Variants in COLGALT2 observed in about 807,000 individuals in gnomAD.
The protein encoded by COLGALT2 is procollagen galactosyltransferase 2.
In COLGALT2, 49 loss-of-function variants were observed where a neutral mutation model predicts 73.4. The observed-to-expected ratio is 0.67, with a 90% CI of 0.53 to 0.85. The LOEUF (loss-of-function observed/expected upper bound fraction) is 0.85. Among genes scored for constraint, COLGALT2 ranks in the 40% least tolerant of loss-of-function variants. The pLI, the probability that COLGALT2 is intolerant of heterozygous loss-of-function variation, is 0.00. For missense variants in COLGALT2, 722 were observed against 790.2 expected (o/e 0.91, Z 1.03); for synonymous variants, 295 against 307.6 (o/e 0.96, Z 0.43).
chr1:183,977,513 C>T (rs1034987883), intron 2 of COLGALT2, among the ~76,000 whole-genome samples: 5 of 150,800 alleles, frequency 3.3e-5, no homozygotes, highest in Non-Finnish European at 4.4e-5. Context: ...TAACCAGGCA[C>T]AAAGGCTCAC....
intron 1 of COLGALT2, among the ~76,000 whole-genome samples, chr1:184,021,304 T>C (rs184941595): frequency 4.7e-4 from 71 of 152,306 alleles, no homozygotes; most frequent in Non-Finnish European, 7.8e-4. Flanking sequence ...TAGTGACTTA[T>C]ATGGTTTGAA....
intron 1 of COLGALT2, among the ~76,000 whole-genome samples, chr1:184,018,530 C>T (rs1649076773): frequency 6.6e-6 from 1 of 152,052 alleles, no homozygotes; most frequent in South Asian, 2.1e-4. Flanking sequence ...GCAAAGTAAA[C>T]AAAATGGAAA....
At chr1:183,931,860 TA>T (rs35058267), downstream of COLGALT2, among the ~76,000 whole-genome samples, 39,871 of 119,942 alleles carry the variant, frequency 0.33, 5,519 homozygotes, top group East Asian at 0.49. Flanking sequence ...GTTCCTGCCA[TA>T]AAAAAAAAAA....
chr1:183,946,909 T>C lies in COLGALT2; in HGVS notation c.1137-1345A>G, dbSNP rs889659287. 8.5e-5 allele frequency among the ~76,000 whole-genome samples: 13 copies of C among 152,152 alleles called. 2 individuals carry two copies. Among genetic ancestry groups the C allele is most frequent in the Admixed American group, 7.2e-4 (11 of 15,278 alleles). On this transcript the variant is annotated intron_variant, in intron 8 of 11. Coordinates refer to ENST00000361927, the MANE Select transcript of COLGALT2 (RefSeq NM_015101.4). ...AGCCGGCCATGGTGGTGGGTGCCTG[T>C]AGTCCCAGCTACTTGGGAGGCTGAG...
chr1:183,964,377 C>T (rs1024244969), intron 5 of COLGALT2: 2 of 315,324 alleles, frequency 6.3e-6, no homozygotes, highest in Non-Finnish European at 1.1e-5. Context: ...AATCCACCTA[C>T]AGGAAATAAC....
intron 4 of COLGALT2, among the ~76,000 whole-genome samples, chr1:183,970,505 T>C (rs1424768041): frequency 6.6e-6 from 1 of 152,212 alleles, no homozygotes; most frequent in Non-Finnish European, 1.5e-5. Flanking sequence ...CAGCCTCACC[T>C]ACTTCTCTGA....
chr1:184,006,339 C>T (rs1474371671), intron 1 of COLGALT2, among the ~76,000 whole-genome samples: 1 of 152,102 alleles, frequency 6.6e-6, no homozygotes, highest in African/African-American at 2.4e-5. Flanking sequence ...AATCCCAGCT[C>T]TTTGGGAGGC....
chr1:184,037,698 G>A lies in COLGALT2; in HGVS notation c.-341C>T. The A allele has an allele frequency of 4.0e-6, 4 of 1,002,684 alleles. No individual in the cohort carries two copies. Among genetic ancestry groups the A allele is most frequent in the South Asian group, 9.4e-5 (2 of 21,348 alleles). 62.1% of individuals were successfully genotyped at this position (1,002,684 alleles called of 1,614,324 possible). On this transcript the variant is annotated 5_prime_UTR_variant, in exon 1 of 12. Transcript: ENST00000361927. ...TCCAGGTTCCGCTCGTACAGCTGAG[G>A]TCTGTGGCCTTCCCTAGAGCCGCGA...
At chr1:183,956,922 C>T (rs566702643) in intron 6 of COLGALT2, among the ~76,000 whole-genome samples, 2 of 152,216 alleles carry the variant, frequency 1.3e-5, no homozygotes, top group East Asian at 1.9e-4. Context: ...TTGCTGACAA[C>T]AGACTTGAAG....
At chr1:184,007,395 A>G (rs1445005431) in intron 1 of COLGALT2, among the ~76,000 whole-genome samples, 1 of 152,226 alleles carries the variant, frequency 6.6e-6, no homozygotes, top group Non-Finnish European at 1.5e-5. Flanking sequence ...AAAAATTCTA[A>G]GTGATAAGAA....
Position 183,937,560 on chromosome 1 carries a change from G to A in COLGALT2, c.*1201C>T, listed in dbSNP as rs1441498107. 1.0e-6 allele frequency: 1 copy of A among 985,206 alleles called. No individual in the cohort carries two copies. Among genetic ancestry groups the A allele is most frequent in the Non-Finnish European group, 1.2e-6 (1 of 829,932 alleles). The allele number at this position is 985,206 out of a possible 1,614,324, so 61.0% of individuals were successfully genotyped here. ...TTGTTTCTGACCAGGTTTCTCACCT[G>A]AGATAGAGAATCATTTGTTTCCAAA... On this transcript the variant is annotated 3_prime_UTR_variant, in exon 12 of 12. Coordinates refer to ENST00000361927, the MANE Select transcript of COLGALT2 (RefSeq NM_015101.4).
At chr1:183,939,653 A>G (rs1292960589) in intron 11 of COLGALT2, among the ~76,000 whole-genome samples, 4 of 152,224 alleles carry the variant, frequency 2.6e-5, no homozygotes, top group African/African-American at 9.6e-5. Flanking sequence ...TCAGTCTCTG[A>G]CATGTTATAT....
intron 1 of COLGALT2, among the ~76,000 whole-genome samples, chr1:183,997,900 T>G (rs1291760959): frequency 6.6e-6 from 1 of 152,254 alleles, no homozygotes; most frequent in East Asian, 1.9e-4. Flanking sequence ...TATAATTTAG[T>G]GATCTATTTG....
At chr1:184,020,698 G>A (rs1160080526) in intron 1 of COLGALT2, among the ~76,000 whole-genome samples, 2 of 152,154 alleles carry the variant, frequency 1.3e-5, no homozygotes, top group East Asian at 3.9e-4. Context: ...CATCTTTTTT[G>A]TTCATTTATT....
intron 1 of COLGALT2, among the ~76,000 whole-genome samples, chr1:184,002,898 G>T (rs1256589361): frequency 1.3e-5 from 2 of 151,904 alleles, no homozygotes; most frequent in Non-Finnish European, 2.9e-5. Flanking sequence ...TACTGGAATA[G>T]CATTAAAATA....
At chr1:184,036,980 C>T in intron 1 of COLGALT2, 115 bp downstream of exon 1, 2 of 917,312 alleles carry the variant, frequency 2.2e-6, no homozygotes, top group Non-Finnish European at 1.4e-6. Flanking sequence ...TTCCGCGTGC[C>T]CCCCCGCCCC....
Position 183,940,684 on chromosome 1 carries a change from C to T in COLGALT2, c.1501G>A (p.Val501Ile), listed in dbSNP as rs189125418. ...ADYSYWTLGY[V>I]ISLEGAQKLV... ...TTCTGTGCTCCTTCCAGAGAGATGA[C>T]GTAGCCCAGGGTCCAGTAGGAATAG... Residue 501 changes from valine (V) to isoleucine (I), a missense_variant, in exon 11 of 12, where the codon GTC becomes ATC. Transcript: ENST00000361927. 115 of 1,614,188 alleles carry T rather than the reference C, an allele frequency of 7.1e-5. No individual in the cohort carries two copies. The East Asian group carries it at 1.2e-3, about 17-fold the overall frequency.
chr1:183,951,669 C>T (rs1670405516), intron 7 of COLGALT2, among the ~76,000 whole-genome samples: 1 of 151,766 alleles, frequency 6.6e-6, no homozygotes, highest in African/African-American at 2.4e-5. Context: ...ATAATGAAAA[C>T]TATAAAACAC....
intron 1 of COLGALT2, among the ~76,000 whole-genome samples, chr1:183,990,904 A>G (rs112692055): frequency 0.035 from 5,404 of 152,350 alleles, 126 homozygotes; most frequent in Middle Eastern, 0.058. Context: ...GCCCTCCTTT[A>G]AAAAATAAAC....
Sources: allele counts gnomAD v4.1 joint callset (sites outside exome capture counted in the v4.1 genomes callset), GRCh38; gene constraint gnomAD v4.1.1; transcripts MANE v1.5; gene names NCBI Gene and HGNC (gene_info 2026-07-23, HGNC 2026-07-21).